PCDHGB7: variants seen among roughly 807,000 people sequenced by gnomAD.
PCDHGB7 encodes protocadherin gamma subfamily B, 7.
A neutral mutation model predicts 61.4 loss-of-function variants in PCDHGB7; 37 were observed. That is an observed-to-expected ratio of 0.60 (90% CI 0.46 to 0.79). The LOEUF (loss-of-function observed/expected upper bound fraction) is 0.79. Ranked by LOEUF, PCDHGB7 falls within the 30% of genes least tolerant of loss-of-function variation. The probability of loss-of-function intolerance (pLI) is 0.00; values close to 1 mark genes in which losing one functional copy is unlikely to be tolerated. For synonymous variants in PCDHGB7, 464 were observed against 503.5 expected (o/e 0.92, Z 1.05); for missense variants, 1,166 against 1,202.5 (o/e 0.97, Z 0.45).
At chr5:141,483,854 T>C (rs2154580004) in intron 1 of PCDHGB7, among the ~76,000 whole-genome samples, 1 of 152,236 alleles carries the variant, frequency 6.6e-6, no homozygotes, top group South Asian at 2.1e-4. Flanking sequence ...ATTAAGAAAT[T>C]TCATGTCCAG....
At chr5:141,435,214 AC>A (rs1332585721) in intron 1 of PCDHGB7, among the ~76,000 whole-genome samples, 1 of 152,176 alleles carries the variant, frequency 6.6e-6, no homozygotes, top group African/African-American at 2.4e-5. Flanking sequence ...AAGTGAATTT[AC>A]TTTCTTTCAA....
intron 1 of PCDHGB7, among the ~76,000 whole-genome samples, chr5:141,453,315 T>A (rs1410108522): frequency 6.6e-6 from 1 of 151,214 alleles, no homozygotes; most frequent in African/African-American, 2.5e-5. Context: ...TTATTTATTT[T>A]AGAGATGGGG....
rs751874380 is a variant in PCDHGB7 at position 141,486,055 on chromosome 5, C to A, written c.2416-8752C>A. ...CTGATCGTGTAAGAAACCTCTTTAG[C>A]CTGCACCCCACTACTGGAAAGCTTA... On this transcript the variant is annotated intron_variant, in intron 1 of 3. Transcript: ENST00000398594. The surrounding 1 kb of genome is among the most constrained non-coding windows in gnomAD (Gnocchi z 5.0). The A allele has an allele frequency of 6.2e-7, 1 of 1,614,170 alleles. No individual in the cohort carries two copies. Among genetic ancestry groups the A allele is most frequent in the South Asian group, 1.1e-5 (1 of 91,072 alleles).
rs778054090 is a variant in PCDHGB7 at position 141,505,509 on chromosome 5, G to C, written c.2563+28G>C. On this transcript the variant is annotated intron_variant, in intron 3 of 3. Coordinates refer to ENST00000398594, the MANE Select transcript of PCDHGB7 (RefSeq NM_018927.4). ...AAGTGGTGTCAGTGTGTGTATGGAA[G>C]AGTGGGAGACCTGGGGTTCTGGGGT... The C allele has an allele frequency of 3.7e-6, 6 of 1,614,058 alleles. No homozygotes were observed. The East Asian group carries it at 1.1e-4, about 30-fold the overall frequency.
intron 1 of PCDHGB7, among the ~76,000 whole-genome samples, chr5:141,473,719 T>C (rs998018115): frequency 6.6e-6 from 1 of 152,124 alleles, no homozygotes; most frequent in African/African-American, 2.4e-5. Context: ...CAATGGAATA[T>C]AGTGAGAGAG....
rs756706355 is a variant in PCDHGB7 at position 141,486,950 on chromosome 5, G to A, written c.2416-7857G>A. On this transcript the variant is annotated intron_variant, in intron 1 of 3. Transcript: ENST00000398594. This position sits in a 1 kb window ranked among gnomAD's most constrained non-coding sequence, Gnocchi z 5.0. The stretch of plus-strand genomic sequence containing the variant: ...TGGTGCTGGCCACCTAATCACAAAG[G>A]TGACTGCTGTGGACTTGGATTCAGG... 2 of 1,614,202 alleles carry A rather than the reference G, an allele frequency of 1.2e-6. No homozygotes were observed. The highest frequency in any genetic ancestry group is 1.7e-6 in the Non-Finnish European group (2 of 1,180,044).
chr5:141,477,671 G>A lies in PCDHGB7; in HGVS notation c.2416-17136G>A, dbSNP rs1022028453. The A allele has an allele frequency of 1.2e-6, 2 of 1,614,198 alleles. No individual in the cohort carries two copies. Among genetic ancestry groups the A allele is most frequent in the Non-Finnish European group, 1.7e-6 (2 of 1,180,048 alleles). Reference sequence around the variant, plus strand: ...CACAATAAATCGTGACAATGGCATAGTGTCATCCTTAGTGCCCCTAGACTA... The same window carrying A: ...CACAATAAATCGTGACAATGGCATAATGTCATCCTTAGTGCCCCTAGACTA... On this transcript the variant is annotated intron_variant, in intron 1 of 3. Coordinates refer to ENST00000398594, the MANE Select transcript of PCDHGB7 (RefSeq NM_018927.4). This position sits in a 1 kb window ranked among gnomAD's most constrained non-coding sequence, Gnocchi z 4.9.
rs115565444 is a variant in PCDHGB7, at chr5:141,487,520, G to A, written c.2416-7287G>A. On this transcript the variant is annotated intron_variant, in intron 1 of 3. Transcript: ENST00000398594. This position sits in a 1 kb window ranked among gnomAD's most constrained non-coding sequence, Gnocchi z 5.0. ...CTTGGCTTCTGCACCCACTCGGAGT[G>A]ATAGCTTCATGATGGTGAAGTCACC... is the stretch of plus-strand genomic sequence containing the variant. The A allele has an allele frequency of 3.3e-4, 540 of 1,614,166 alleles. 6 individuals carry two copies. The East Asian group carries it at 8.7e-3, about 26-fold the overall frequency.
chr5:141,441,362 G>A (rs1489202253), intron 1 of PCDHGB7: 1 of 152,484 alleles, frequency 6.6e-6, no homozygotes, highest in Non-Finnish European at 1.5e-5. Context: ...AACAAATGGG[G>A]CCGTGGACCA....
rs200931939 is a variant in PCDHGB7, at chr5:141,423,096, C to T, written c.2415+2822C>T. On this transcript the variant is annotated intron_variant, in intron 1 of 3. Transcript: ENST00000398594. Reference sequence around the variant, plus strand: ...CGGGACTCTTCGCGGTGGGGGAGCACACGGGCGAGGTGCGTACAGCGCGGG... The same window carrying T: ...CGGGACTCTTCGCGGTGGGGGAGCATACGGGCGAGGTGCGTACAGCGCGGG... The T allele has an allele frequency of 3.8e-5, 61 of 1,613,974 alleles. No individual in the cohort carries two copies. In the East Asian group the frequency reaches 1.3e-3, roughly 35 times the overall value.
At position 141,511,963 on chromosome 5, in the gene PCDHGB7, AGT is replaced by A. The variant is rs1204123000; in HGVS notation, c.*796_*797del. On this transcript the variant is annotated 3_prime_UTR_variant, in exon 4 of 4. Transcript: ENST00000398594. ...ATGGGGTGGTAAGATAAGGAAGGGA[AGT>A]GTGTGGATGTGGATGGTGGGGGCAT... 1 of 153,636 alleles carries A rather than the reference AGT, an allele frequency of 6.5e-6. No individual in the cohort carries two copies. 9.5% of individuals were successfully genotyped at this position (153,636 alleles called of 1,614,324 possible).
At chr5:141,421,717 G>T in intron 1 of PCDHGB7, 2 of 1,613,932 alleles carry the variant, frequency 1.2e-6, no homozygotes, top group East Asian at 4.5e-5. Context: ...TCCAGATGTG[G>T]GCGTGAACTC....
chr5:141,485,899 C>A lies in PCDHGB7; in HGVS notation c.2416-8908C>A, dbSNP rs775312856. 12 of 1,614,166 alleles carry A rather than the reference C, an allele frequency of 7.4e-6. No individual in the cohort carries two copies. The highest frequency in any genetic ancestry group is 8.5e-6 in the Non-Finnish European group (10 of 1,180,032). On this transcript the variant is annotated intron_variant, in intron 1 of 3. Coordinates refer to ENST00000398594, the MANE Select transcript of PCDHGB7 (RefSeq NM_018927.4). The surrounding 1 kb of genome is among the most constrained non-coding windows in gnomAD (Gnocchi z 5.7). ...ACGTAAACGACAACGCCCCAGCCTT[C>A]CAGCAATCCAGCTACAGGATTAGTG...
intron 1 of PCDHGB7, chr5:141,428,413 C>A: frequency 2.2e-6 from 1 of 461,904 alleles, no homozygotes; most frequent in Non-Finnish European, 4.0e-6. Context: ...TTGCTTTCAC[C>A]CTGGTCTCTG....
chr5:141,460,416 A>C (rs966481039), intron 1 of PCDHGB7, among the ~76,000 whole-genome samples: 1 of 152,138 alleles, frequency 6.6e-6, no homozygotes, highest in African/African-American at 2.4e-5. Flanking sequence ...GTTGATGTTT[A>C]TGTATGGTGT....
In PCDHGB7 at chr5:141,489,120, G is replaced by C; in HGVS notation, c.2416-5687G>C. The C allele has an allele frequency of 1.1e-5, 5 of 445,662 alleles. No homozygotes were observed. Among genetic ancestry groups the C allele is most frequent in the East Asian group, 3.8e-5 (1 of 26,010 alleles). The allele number at this position is 445,662 out of a possible 1,614,324, so 27.6% of individuals were successfully genotyped here. ...AACTGCTGCAAGCAGGCAAACCTCC[G>C]AGCAGTTTTTAAGAGGCTGGAAGGA... On this transcript the variant is annotated intron_variant, in intron 1 of 3. Transcript: ENST00000398594. This position sits in a 1 kb window ranked among gnomAD's most constrained non-coding sequence, Gnocchi z 4.5.
At chr5:141,454,941 G>A (rs2098807517) in intron 1 of PCDHGB7, among the ~76,000 whole-genome samples, 1 of 150,970 alleles carries the variant, frequency 6.6e-6, no homozygotes, top group Non-Finnish European at 1.5e-5. Flanking sequence ...CCGAGTAGCT[G>A]GGACTACAGG....
At chr5:141,503,241 A>G (rs1399557839) in intron 2 of PCDHGB7, among the ~76,000 whole-genome samples, 1 of 152,074 alleles carries the variant, frequency 6.6e-6, no homozygotes, top group Non-Finnish European at 1.5e-5. Context: ...GACAGTTTCT[A>G]TCATACTCAC....
In PCDHGB7 at chr5:141,417,760, C is replaced by A; in HGVS notation, c.-100C>A. Reference sequence around the variant, plus strand: ...CACACCAGATTGCCAGCTCCGAGACCCGGGACTCCTCCTGTCCTGGGCCGA... The same window carrying A: ...CACACCAGATTGCCAGCTCCGAGACACGGGACTCCTCCTGTCCTGGGCCGA... On this transcript the variant is annotated 5_prime_UTR_variant, in exon 1 of 4. Coordinates refer to ENST00000398594, the MANE Select transcript of PCDHGB7 (RefSeq NM_018927.4). The A allele has an allele frequency of 7.0e-7, 1 of 1,438,808 alleles. No individual in the cohort carries two copies. The highest frequency in any genetic ancestry group is 1.5e-5 in the South Asian group (1 of 67,770). The allele number at this position is 1,438,808 out of a possible 1,614,324, so 89.1% of individuals were successfully genotyped here.
Sources: allele counts gnomAD v4.1 joint callset (sites outside exome capture counted in the v4.1 genomes callset), GRCh38; gene constraint gnomAD v4.1.1; non-coding constraint Gnocchi (gnomAD v3.1); transcripts MANE v1.5; gene names NCBI Gene and HGNC (gene_info 2026-07-23, HGNC 2026-07-21).